The following FILIP1L variants were observed in gnomAD, a reference collection of about 807,000 sequenced individuals.
FILIP1L encodes filamin A interacting protein 1 like, also known as filamin A-interacting protein 1-like.
In FILIP1L, 55 loss-of-function variants were observed where a neutral mutation model predicts 96.6. The observed-to-expected ratio is 0.57, with a 90% confidence interval of 0.46 to 0.71. The LOEUF (loss-of-function observed/expected upper bound fraction) is 0.71. Ranked by LOEUF, FILIP1L falls within the 30% of genes least tolerant of loss-of-function variation. The pLI, the probability that FILIP1L is intolerant of heterozygous loss-of-function variation, is 0.00. For synonymous variants in FILIP1L, 467 were observed against 473.9 expected (o/e 0.99, Z 0.19); for missense variants, 1,304 against 1,321.2 (o/e 0.99, Z 0.20).
In FILIP1L at chr3:100,074,675, ATTTTTTTTTTTTTTT is replaced by A. The variant is rs555819875; in HGVS notation, c.-11+39363_-11+39377del. On this transcript the variant is annotated intron_variant, in intron 1 of 5. Transcript: ENST00000477258. ...ATTTTCTATGCATGTGCAACATTTGATTTTTTTTTTTTTTTTTTTTTTTTTTTTTTTTTTTTGAGA... is the reference window on the plus strand; with the variant it reads ...ATTTTCTATGCATGTGCAACATTTGATTTTTTTTTTTTTTTTTTTTTGAGA... Among the ~76,000 whole-genome samples, 105 of 34,802 alleles carry A rather than the reference ATTTTTTTTTTTTTTT, an allele frequency of 3.0e-3. 1 individual carries two copies. The highest frequency in any genetic ancestry group is 4.2e-3 in the Non-Finnish European group (85 of 20,250). 22.8% of individuals were successfully genotyped at this position (34,802 alleles called of 152,430 possible).
At chr3:99,988,531 G>A (rs1232202904) in intron 1 of FILIP1L, among the ~76,000 whole-genome samples, 105 of 121,808 alleles carry the variant, frequency 8.6e-4, no homozygotes, top group Middle Eastern at 4.1e-3. Context: ...AAAAAAAAAA[G>A]AAAGAAAAGG....
chr3:99,891,186 A>G (rs1313255637), intron 4 of FILIP1L, among the ~76,000 whole-genome samples: 1 of 151,798 alleles, frequency 6.6e-6, no homozygotes, highest in Non-Finnish European at 1.5e-5. Flanking sequence ...CATGGAAAGC[A>G]GTTTTCCTTG....
At chr3:99,880,825 T>G (rs1196831968) in intron 4 of FILIP1L, among the ~76,000 whole-genome samples, 1 of 152,210 alleles carries the variant, frequency 6.6e-6, no homozygotes, top group Non-Finnish European at 1.5e-5. Flanking sequence ...TCTTTTAGTC[T>G]TTTTCTAAGC....
intron 4 of FILIP1L, among the ~76,000 whole-genome samples, chr3:99,878,337 A>T (rs772067535): frequency 6.2e-4 from 95 of 152,358 alleles, no homozygotes; most frequent in Non-Finnish European, 1.2e-3. Flanking sequence ...TTTTGATGTG[A>T]TATGATCCAT....
chr3:99,876,809 C>G (rs1705549509), intron 4 of FILIP1L, among the ~76,000 whole-genome samples: 1 of 152,090 alleles, frequency 6.6e-6, no homozygotes, highest in African/African-American at 2.4e-5. Flanking sequence ...TCCTCTTTCC[C>G]CATTTCTGCA....
At chr3:99,981,197 T>C (rs1206272353) in intron 1 of FILIP1L, among the ~76,000 whole-genome samples, 1 of 152,178 alleles carries the variant, frequency 6.6e-6, no homozygotes, top group African/African-American at 2.4e-5. Context: ...ACCTGACTTT[T>C]GTTATTTTAT....
intron 1 of FILIP1L, among the ~76,000 whole-genome samples, chr3:99,949,894 G>C (rs1200858061): frequency 6.6e-6 from 1 of 152,196 alleles, no homozygotes; most frequent in Non-Finnish European, 1.5e-5. Context: ...AATCAGCTGT[G>C]TGTGTGTTAG....
intron 1 of FILIP1L, among the ~76,000 whole-genome samples, chr3:100,002,139 A>G (rs548740480): frequency 4.1e-4 from 63 of 152,330 alleles, no homozygotes; most frequent in Middle Eastern, 3.4e-3. Flanking sequence ...CCTCCTGTAC[A>G]GACCTGTGTC....
chr3:100,099,954 C>T (rs1007844767), intron 1 of FILIP1L, among the ~76,000 whole-genome samples: 13 of 152,096 alleles, frequency 8.5e-5, no homozygotes, highest in African/African-American at 3.1e-4. Context: ...CATCCATGCT[C>T]AAGTTGAGAC....
At chr3:100,080,642 G>A (rs939368044) in intron 1 of FILIP1L, among the ~76,000 whole-genome samples, 1 of 152,168 alleles carries the variant, frequency 6.6e-6, no homozygotes, top group African/African-American at 2.4e-5. Flanking sequence ...CTGTTCTCCC[G>A]ATAGCAAGAG....
At chr3:99,897,812 T>A (rs1472680273) in intron 4 of FILIP1L, among the ~76,000 whole-genome samples, 1 of 152,226 alleles carries the variant, frequency 6.6e-6, no homozygotes, top group Admixed American at 6.5e-5. Context: ...GTAAGAGAAC[T>A]CCACTACAGA....
chr3:99,849,488 T>A lies in FILIP1L; in HGVS notation c.2188A>T (p.Met730Leu), dbSNP rs142569410. The change falls in exon 5 of 6, where the codon ATG becomes TTG. Residue 730 changes from methionine to leucine, a missense_variant. Coordinates refer to ENST00000477258, the MANE Select transcript of FILIP1L (RefSeq NM_001387850.1). ...TGACATATTAGGTCTTCAGTTGCCA[T>A]GTATTCATGAATTTTCTCTTTTAAT... ...DALKEKIHEY[M>L]ATEDLICHLQ... The A allele has an allele frequency of 4.3e-4, 694 of 1,613,516 alleles. 1 individual carries two copies. The highest frequency in any genetic ancestry group is 5.4e-4 in the Non-Finnish European group (643 of 1,179,906).
At chr3:99,970,857 A>T (rs1028893698) in intron 1 of FILIP1L, among the ~76,000 whole-genome samples, 4 of 152,210 alleles carry the variant, frequency 2.6e-5, no homozygotes, top group Admixed American at 2.6e-4. Context: ...GATATTATAG[A>T]TAAATGTTGG....
chr3:99,832,287 GTGGCGCGA>G (rs1433405898), intron 5 of FILIP1L, among the ~76,000 whole-genome samples: 4 of 147,646 alleles, frequency 2.7e-5, no homozygotes, highest in Non-Finnish European at 4.5e-5. Flanking sequence ...CTGGAGTGCA[GTGGCGCGA>G]TATCGGCTCA....
chr3:99,892,425 C>G (rs1706111651), intron 4 of FILIP1L, among the ~76,000 whole-genome samples: 1 of 152,208 alleles, frequency 6.6e-6, no homozygotes, highest in Non-Finnish European at 1.5e-5. Flanking sequence ...TGTAATCATC[C>G]AAAAACCTGA....
At chr3:100,071,090 C>CTTTTTTTTTTTT (rs61563009) in intron 1 of FILIP1L, among the ~76,000 whole-genome samples, 2 of 70,564 alleles carry the variant, frequency 2.8e-5, no homozygotes, top group Admixed American at 1.5e-4. Flanking sequence ...GCTACTCTCT[C>CTTTTTTTTTTTT]TTTTTTTTTT....
At chr3:99,992,797 G>T (rs751081664) in intron 1 of FILIP1L, among the ~76,000 whole-genome samples, 20 of 151,970 alleles carry the variant, frequency 1.3e-4, no homozygotes, top group Admixed American at 1.3e-4. Context: ...TATGGTTTCA[G>T]ATCTTACATT....
At chr3:100,057,399 A>G (rs537999607) in intron 1 of FILIP1L, among the ~76,000 whole-genome samples, 2 of 152,266 alleles carry the variant, frequency 1.3e-5, no homozygotes, top group Non-Finnish European at 2.9e-5. Flanking sequence ...AAAAAGGCCA[A>G]TAAAAGCCCA....
chr3:100,016,967 A>G (rs1210263339), intron 1 of FILIP1L, among the ~76,000 whole-genome samples: 1 of 152,210 alleles, frequency 6.6e-6, no homozygotes, highest in Non-Finnish European at 1.5e-5. Context: ...TTATATTTAC[A>G]TAAGATTTGC....
Sources: allele counts gnomAD v4.1 joint callset (sites outside exome capture counted in the v4.1 genomes callset), GRCh38; gene constraint gnomAD v4.1.1; transcripts MANE v1.5; gene names NCBI Gene and HGNC (gene_info 2026-07-23, HGNC 2026-07-21).